PDE4D: variants seen among roughly 807,000 people sequenced by gnomAD.
PDE4D encodes phosphodiesterase 4D.
PDE4D carries 24 observed loss-of-function variants against 87.4 expected under a neutral mutation model. That is an observed-to-expected ratio of 0.27 (90% confidence interval 0.20 to 0.39). PDE4D has a LOEUF of 0.39. Ranked by LOEUF, PDE4D falls within the 10% of genes least tolerant of loss-of-function variation. The pLI is 1.00. For synonymous variants in PDE4D, 384 were observed against 383.2 expected, an observed-to-expected ratio of 1.00 and a Z score of -0.02; for missense variants, 714 against 1,041.0, an observed-to-expected ratio of 0.69 and a Z score of 4.32.
intron 1 of PDE4D, among the ~76,000 whole-genome samples, chr5:60,381,518 G>A (rs1052232665): frequency 3.9e-5 from 6 of 152,064 alleles, no homozygotes; most frequent in Non-Finnish European, 5.9e-5. Context: ...GGTGGCCTTG[G>A]GAACCCCTGA....
intron 1 of PDE4D, among the ~76,000 whole-genome samples, chr5:59,296,318 C>T (rs1769089876): frequency 6.6e-6 from 1 of 151,840 alleles, no homozygotes; most frequent in Non-Finnish European, 1.5e-5. Flanking sequence ...CAATGGTAAA[C>T]ATTTCAGGCC....
chr5:60,357,388 TA>T (rs144985926), intron 1 of PDE4D, among the ~76,000 whole-genome samples: 179 of 150,556 alleles, frequency 1.2e-3, no homozygotes, highest in African/African-American at 4.3e-3. Context: ...GTTGTCTTTG[TA>T]AAAAAAAAAT....
chr5:59,037,589 T>C (rs1460646389), intron 6 of PDE4D, among the ~76,000 whole-genome samples: 1 of 152,184 alleles, frequency 6.6e-6, no homozygotes, highest in East Asian at 1.9e-4. Flanking sequence ...AATTTAGAAA[T>C]GAGGCACAAA....
At chr5:59,000,781 C>T (rs1164783270) in intron 6 of PDE4D, among the ~76,000 whole-genome samples, 1 of 152,064 alleles carries the variant, frequency 6.6e-6, no homozygotes, top group Non-Finnish European at 1.5e-5. Flanking sequence ...CTCTGCCTCC[C>T]GGGTTCAAGC....
chr5:59,228,083 T>G (rs752257196), intron 1 of PDE4D, among the ~76,000 whole-genome samples: 1 of 152,158 alleles, frequency 6.6e-6, no homozygotes, highest in Non-Finnish European at 1.5e-5. Flanking sequence ...TAAAAAGGAA[T>G]GAGATCATGT....
At chr5:59,926,655 A>C (rs1371332938) in intron 3 of PDE4D, among the ~76,000 whole-genome samples, 1 of 152,182 alleles carries the variant, frequency 6.6e-6, no homozygotes, top group Non-Finnish European at 1.5e-5. Flanking sequence ...CTTAATAAGA[A>C]GACACAAATA....
intron 1 of PDE4D, among the ~76,000 whole-genome samples, chr5:59,355,668 T>G (rs1242466437): frequency 2.0e-5 from 3 of 152,174 alleles, no homozygotes; most frequent in Non-Finnish European, 2.9e-5. Context: ...ACCTATACCT[T>G]TAGCTGGCAA....
chr5:59,031,377 AT>A (rs200191143), intron 6 of PDE4D, among the ~76,000 whole-genome samples: 15,138 of 91,574 alleles, frequency 0.17, 1,482 homozygotes, highest in East Asian at 0.52. Context: ...ATATATATAT[AT>A]ATATATATAT....
At chr5:59,692,227 A>G (rs1751073288) in intron 1 of PDE4D, among the ~76,000 whole-genome samples, 1 of 152,190 alleles carries the variant, frequency 6.6e-6, no homozygotes, top group Non-Finnish European at 1.5e-5. Context: ...TAGGTATTTT[A>G]CAGAGTTTTA....
intron 1 of PDE4D, among the ~76,000 whole-genome samples, chr5:59,771,508 A>G (rs1216229289): frequency 4.3e-5 from 6 of 138,718 alleles, no homozygotes; most frequent in South Asian, 2.4e-4. Context: ...AGAAGAAAGA[A>G]AGAAAGAAAG....
rs552671132 is a variant in PDE4D at position 60,431,276 on chromosome 5, C to T, written c.-90+56666G>A. Among the ~76,000 whole-genome samples the T allele has an allele frequency of 7.3e-3, 1,089 of 149,538 alleles. 7 individuals carry two copies. Among genetic ancestry groups the T allele is most frequent in the Middle Eastern group, 0.014 (4 of 284 alleles). On this transcript the variant is annotated intron_variant, in intron 1 of 16. Coordinates refer to the PDE4D transcript ENST00000502484. ...GCGGAGGGGCTCCTCACTTCTCAGA[C>T]GGGGCAGCTGCCGGGCGGAGGGGCT... is the stretch of plus-strand genomic sequence containing the variant.
chr5:59,380,566 C>CAA (rs1473491903), intron 1 of PDE4D, among the ~76,000 whole-genome samples: 6 of 152,280 alleles, frequency 3.9e-5, no homozygotes, highest in African/African-American at 1.4e-4. Context: ...ACATTGAGGT[C>CAA]ACATCGCTCT....
At chr5:59,632,437 C>T (rs538418277) in intron 1 of PDE4D, among the ~76,000 whole-genome samples, 6 of 152,322 alleles carry the variant, frequency 3.9e-5, no homozygotes, top group Middle Eastern at 3.4e-3. Flanking sequence ...GACCCCTGTG[C>T]CTCCCGATAG....
At chr5:59,984,524 G>A (rs996133430) in intron 3 of PDE4D, among the ~76,000 whole-genome samples, 1 of 152,010 alleles carries the variant, frequency 6.6e-6, no homozygotes, top group African/African-American at 2.4e-5. Context: ...TAACAGTTTG[G>A]GCATACTCAA....
chr5:59,467,165 C>T (rs1801705694), intron 1 of PDE4D, among the ~76,000 whole-genome samples: 1 of 152,188 alleles, frequency 6.6e-6, no homozygotes, highest in Non-Finnish European at 1.5e-5. Flanking sequence ...GACTTCCAGC[C>T]TCCAGAACTA....
chr5:59,515,546 C>T (rs1194051731), intron 1 of PDE4D, among the ~76,000 whole-genome samples: 2 of 151,962 alleles, frequency 1.3e-5, no homozygotes, highest in Non-Finnish European at 1.5e-5. Flanking sequence ...ACAAAGAATA[C>T]CTAAAAGAAT....
intron 1 of PDE4D, among the ~76,000 whole-genome samples, chr5:59,545,520 T>C (rs40215): frequency 0.67 from 102,372 of 151,974 alleles, 35,171 homozygotes; most frequent in South Asian, 0.83. Flanking sequence ...CATAGATAAC[T>C]GGAAACTAAA....
At chr5:59,437,495 TA>T (rs1160957494) in intron 1 of PDE4D, among the ~76,000 whole-genome samples, 2 of 152,150 alleles carry the variant, frequency 1.3e-5, no homozygotes, top group Non-Finnish European at 2.9e-5. Context: ...AGTTGTAAGA[TA>T]AAAAATAATC....
chr5:59,907,108 C>G (rs1752917363), intron 3 of PDE4D, among the ~76,000 whole-genome samples: 1 of 152,052 alleles, frequency 6.6e-6, no homozygotes, highest in South Asian at 2.1e-4. Context: ...GGACATTATC[C>G]TTAGCAAACT....
Sources: allele counts gnomAD v4.1 joint callset (sites outside exome capture counted in the v4.1 genomes callset), GRCh38; gene constraint gnomAD v4.1.1; transcripts MANE v1.5; gene names NCBI Gene and HGNC (gene_info 2026-07-23, HGNC 2026-07-21).